The following POLI variants were observed in gnomAD, a reference collection of about 807,000 sequenced individuals.
POLI encodes the protein DNA polymerase iota.
POLI carries 58 observed loss-of-function variants against 51.6 expected under a neutral mutation model. The ratio of observed to expected loss-of-function variants is 1.12; its 90% CI spans 0.91 to 1.40. The LOEUF is 1.40. Ranked by LOEUF, POLI falls within the 40% of genes most tolerant of loss-of-function variation. The pLI, the probability that POLI is intolerant of heterozygous loss-of-function variation, is 0.00. For synonymous variants in POLI, 322 were observed against 299.7 expected (o/e 1.07, Z -0.77); for missense variants, 921 against 871.3 (o/e 1.06, Z -0.72).
At chr18:54,291,595 G>C in intron 8 of POLI, 1 of 272,248 alleles carries the variant, frequency 3.7e-6, no homozygotes. Context: ...CAGTTTTATA[G>C]TAGCTTTTTG....
At chr18:54,285,125 C>G (rs546179156) in intron 7 of POLI, among the ~76,000 whole-genome samples, 1 of 152,206 alleles carries the variant, frequency 6.6e-6, no homozygotes, top group Non-Finnish European at 1.5e-5. Context: ...ATGTCTTGAG[C>G]AGAGCCATGC....
intron 5 of POLI, among the ~76,000 whole-genome samples, chr18:54,281,399 G>A (rs965093320): frequency 6.6e-6 from 1 of 152,120 alleles, no homozygotes; most frequent in African/African-American, 2.4e-5. Context: ...GGGCAAGTTT[G>A]TATCTTTGAA....
intron 4 of POLI, among the ~76,000 whole-genome samples, chr18:54,279,141 T>C (rs1180146451): frequency 6.6e-6 from 1 of 152,188 alleles, no homozygotes; most frequent in Non-Finnish European, 1.5e-5. Flanking sequence ...TGTGGAATTA[T>C]TGATTAATTC....
chr18:54,269,541 G>T lies in POLI; in HGVS notation c.-6G>T, dbSNP rs983586942. The T allele has an allele frequency of 1.3e-6, 2 of 1,506,366 alleles. No individual in the cohort carries two copies. The highest frequency in any genetic ancestry group is 1.5e-5 in the African/African-American group (1 of 67,534). The allele number at this position is 1,506,366 out of a possible 1,614,324, so 93.3% of individuals were successfully genotyped here. A position where few individuals can be genotyped will look rare whatever the true frequency, so the allele number is the denominator to read the frequency against. On this transcript the variant is annotated 5_prime_UTR_variant, in exon 1 of 10. Coordinates refer to ENST00000579534, the MANE Select transcript of POLI (RefSeq NM_007195.3). ...CGGAAGTAGCGCTGCGGTTGGCAGCGGCGGGATGGAGAAGCTGGGGGTGGA... is the reference window on the plus strand; with the variant it reads ...CGGAAGTAGCGCTGCGGTTGGCAGCTGCGGGATGGAGAAGCTGGGGGTGGA...
At chr18:54,278,504 C>T (rs2087352809) in intron 4 of POLI, among the ~76,000 whole-genome samples, 1 of 152,194 alleles carries the variant, frequency 6.6e-6, no homozygotes, top group African/African-American at 2.4e-5. Context: ...TTCGATTCCC[C>T]TGAGACCCTC....
At chr18:54,270,721 A>G (rs1247398401) in intron 1 of POLI, 1 of 152,094 alleles carries the variant, frequency 6.6e-6, no homozygotes, top group African/African-American at 2.4e-5. Context: ...CGCCTCTGTC[A>G]TTCCCTCCCC....
chr18:54,287,362 G>A lies in POLI; in HGVS notation c.1149G>A (p.Glu383=), dbSNP rs35602237. 5.9e-4 allele frequency: 954 copies of A among 1,603,930 alleles called. 4 individuals are homozygous for A. The African/African-American group carries it at 0.011, about 19-fold the overall frequency. The change falls in exon 8 of 10, where the codon GAG becomes GAA. Residue 383 remains glutamate, a synonymous_variant. Transcript: ENST00000579534. Reference sequence around the variant, plus strand: ...CCTCTGAGAAGCACTATGGTCGTGAGAGTCGTCAGTGCCCTATTCCTTCAC... The same window carrying A: ...CCTCTGAGAAGCACTATGGTCGTGAAAGTCGTCAGTGCCCTATTCCTTCAC... The part of the protein sequence containing the change: ...RYSSEKHYGR[E]SRQCPIPSHV...
intron 3 of POLI, among the ~76,000 whole-genome samples, chr18:54,310,369 A>G (rs1384735086): frequency 6.6e-6 from 1 of 152,188 alleles, no homozygotes; most frequent in Non-Finnish European, 1.5e-5. Flanking sequence ...CCTATCTTCA[A>G]ACTTAGATTT....
chr18:54,287,704 C>T (rs978667813), intron 8 of POLI: 5 of 213,682 alleles, frequency 2.3e-5, no homozygotes, highest in Non-Finnish European at 4.8e-5. Flanking sequence ...CCCAGCCTCC[C>T]GAGTAGCTGG....
At chr18:54,271,643 A>T (rs1337204582) in intron 2 of POLI, among the ~76,000 whole-genome samples, 158 bp downstream of exon 2, 1 of 152,250 alleles carries the variant, frequency 6.6e-6, no homozygotes, top group Non-Finnish European at 1.5e-5. Context: ...TACCAAGTGT[A>T]AATTTTACAA....
At chr18:54,300,431 C>T (rs1035966425), downstream of POLI, among the ~76,000 whole-genome samples, 3 of 151,772 alleles carry the variant, frequency 2.0e-5, no homozygotes, top group Non-Finnish European at 4.4e-5. Context: ...ATAATATAAA[C>T]CCTAAAATAA....
At chr18:54,298,329 C>T (rs28509388), downstream of POLI, 18,091 of 152,630 alleles carry the variant, frequency 0.12, 3,593 homozygotes, top group African/African-American at 0.41. Context: ...CAGTTTCCCT[C>T]CTCTGTCTGG....
chr18:54,283,869 TTAGATA>T (rs2087625374), intron 6 of POLI, 47 bp from the exon 7 acceptor site: 5 of 657,064 alleles, frequency 7.6e-6, no homozygotes, highest in Non-Finnish European at 1.3e-5. Flanking sequence ...CTGATAATAA[TTAGATA>T]TAGTTATTTG....
At chr18:54,281,044 T>C in intron 5 of POLI, 141 bp downstream of exon 5, 1 of 490,112 alleles carries the variant, frequency 2.0e-6, no homozygotes, top group African/African-American at 2.0e-5. Flanking sequence ...GTATACTTGG[T>C]TCCTGGAAAA....
chr18:54,297,477 G>C lies in POLI; in HGVS notation c.*3010G>C, dbSNP rs1212391745. ...TCTTTTCTCCAAGATCTAGTGTTTT[G>C]TACTAGGAGAACTCTAAAAAGTATC... On this transcript the variant is annotated 3_prime_UTR_variant, in exon 10 of 10. Coordinates refer to ENST00000579534, the MANE Select transcript of POLI (RefSeq NM_007195.3). 1 of 981,150 alleles carries C rather than the reference G, an allele frequency of 1.0e-6. No individual in the cohort carries two copies. Among genetic ancestry groups the C allele is most frequent in the African/African-American group, 1.7e-5 (1 of 57,228 alleles). 60.8% of individuals were successfully genotyped at this position (981,150 alleles called of 1,614,324 possible). A position where few individuals can be genotyped will look rare whatever the true frequency, so the allele number is the denominator to read the frequency against.
rs1294978933 is a variant in POLI, at chr18:54,297,608, C to T, written c.*3141C>T. On this transcript the variant is annotated 3_prime_UTR_variant, in exon 10 of 10. Transcript: ENST00000579534. ...TGTTGTGCTTCTTTCCCACCTTTAT[C>T]TCTCCTCCTATCTTTTGGGATCAGT... The T allele has an allele frequency of 1.0e-6, 1 of 978,204 alleles. No individual in the cohort carries two copies. Among genetic ancestry groups the T allele is most frequent in the Non-Finnish European group, 1.2e-6 (1 of 824,372 alleles). 60.6% of individuals were successfully genotyped at this position (978,204 alleles called of 1,614,324 possible). A position where few individuals can be genotyped will look rare whatever the true frequency, so the allele number is the denominator to read the frequency against.
At chr18:54,309,114 T>G (rs909591752) in intron 3 of POLI, among the ~76,000 whole-genome samples, 1 of 152,240 alleles carries the variant, frequency 6.6e-6, no homozygotes, top group South Asian at 2.1e-4. Context: ...TCCCTCCAGC[T>G]TTGTTCCATT....
intron 3 of POLI, among the ~76,000 whole-genome samples, chr18:54,311,777 G>C (rs1170248956): frequency 6.6e-6 from 1 of 152,114 alleles, no homozygotes; most frequent in African/African-American, 2.4e-5. Flanking sequence ...TTGGGTGGCC[G>C]AATAATCAAA....
intron 2 of POLI, among the ~76,000 whole-genome samples, chr18:54,271,822 C>T (rs1248105486): frequency 1.3e-5 from 2 of 152,204 alleles, no homozygotes; most frequent in Non-Finnish European, 2.9e-5. Context: ...AAAACAGCCT[C>T]TTATTACATT....
Sources: allele counts gnomAD v4.1 joint callset (sites outside exome capture counted in the v4.1 genomes callset), GRCh38; gene constraint gnomAD v4.1.1; transcripts MANE v1.5; gene names NCBI Gene and HGNC (gene_info 2026-07-23, HGNC 2026-07-21).